The following HDAC10 variants were observed in gnomAD, a reference collection of about 807,000 sequenced individuals.
HDAC10 encodes polyamine deacetylase HDAC10.
Under a neutral mutation model 82.3 loss-of-function variants are expected in HDAC10, and 90 were observed. The observed-to-expected ratio is 1.09, with a 90% CI of 0.92 to 1.30. HDAC10 has a LOEUF of 1.30. HDAC10 is among the 50% of genes most tolerant of loss of function. HDAC10 has a pLI of 0.00. For synonymous variants in HDAC10, 456 were observed against 391.7 expected, an observed-to-expected ratio of 1.16 and a Z score of -1.94; for missense variants, 934 against 876.3, an observed-to-expected ratio of 1.07 and a Z score of -0.83.
chr22:50,246,897 C>T lies in HDAC10; in HGVS notation c.1492G>A (p.Gly498Ser). 1 of 1,612,368 alleles carries T rather than the reference C, an allele frequency of 6.2e-7. No individual in the cohort carries two copies. The highest frequency in any genetic ancestry group is 1.1e-5 in the South Asian group (1 of 90,990). ...TACCTCTGGGCTCCGTGGGACAGGC[C>T]TCTCCGAACAGCCACATCCAGGGTG... ...AATLDVAVRR[G>S]LSHGAQRLLC... The change falls in exon 15 of 20, where the codon GGC becomes AGC. Residue 498 changes from glycine to serine, a missense_variant. Transcript: ENST00000216271.
intron 15 of HDAC10, 49 bp from the exon 16 acceptor site, chr22:50,246,784 C>T: frequency 1.2e-6 from 2 of 1,607,960 alleles, no homozygotes; most frequent in Non-Finnish European, 1.7e-6. Flanking sequence ...GTCCAGAGTC[C>T]ATTCCCAGAA....
chr22:50,249,435 G>A lies in HDAC10; in HGVS notation c.583C>T (p.His195Tyr), dbSNP rs2065033194. Reference protein sequence around the residue: ...DDPSVLYFSWHRYEHGRFWPF... With the variant: ...DDPSVLYFSWYRYEHGRFWPF... ...CAGAAGCGCCCATGCTCATAGCGGT[G>A]CCAGGAGAAGTAAAGGACGCTGCCA... The change falls in exon 7 of 20, where the codon CAC becomes TAC. Residue 195 changes from histidine (H) to tyrosine (Y), a missense_variant. His to Tyr is a moderately conservative substitution (Grantham distance 83, BLOSUM62 2). Coordinates refer to ENST00000216271, the MANE Select transcript of HDAC10 (RefSeq NM_032019.6). This position sits in a 1 kb window ranked among gnomAD's most constrained non-coding sequence, Gnocchi z 4.4. 1 of 1,612,558 alleles carries A rather than the reference G, an allele frequency of 6.2e-7. No individual in the cohort carries two copies. Among genetic ancestry groups the A allele is most frequent in the African/African-American group, 1.3e-5 (1 of 74,904 alleles).
rs1363695146 is a variant in HDAC10 at position 50,251,077 on chromosome 22, G to A, written c.-45C>T. On this transcript the variant is annotated 5_prime_UTR_variant, in exon 1 of 20. Transcript: ENST00000216271. ...TGGGTTCCCAAACGCCCTCGCTAGT[G>A]GTGCCTGCCACTGCCTGTCCCCACC... 5 of 1,570,760 alleles carry A rather than the reference G, an allele frequency of 3.2e-6. No homozygotes were observed. Among genetic ancestry groups the A allele is most frequent in the Non-Finnish European group, 4.3e-6 (5 of 1,152,338 alleles).
chr22:50,246,193 C>A, intron 17 of HDAC10, 101 bp from the exon 18 acceptor site: 1 of 1,522,152 alleles, frequency 6.6e-7, no homozygotes, highest in Non-Finnish European at 9.0e-7. Flanking sequence ...AGCAGGGAGA[C>A]AGGAAGGACC....
At position 50,249,331 on chromosome 22, in the gene HDAC10, G is replaced by C. The variant is rs766692615; in HGVS notation, c.687C>G (p.Asn229Lys). 23 of 1,607,560 alleles carry C rather than the reference G, an allele frequency of 1.4e-5. No individual in the cohort carries two copies. The highest frequency in any genetic ancestry group is 2.2e-5 in the East Asian group (1 of 44,708). ...CCTGGGGCTTGAGGGTGGGCACCTG[G>C]TTCCAGGGCAGGTTGACAGTGAAGC... ...GLGFTVNLPW[N>K]QVGMGNADYV... Residue 229 changes from asparagine to lysine, a missense_variant, in exon 7 of 20, where the codon AAC becomes AAG. By Grantham distance (94) the Asn-to-Lys change is moderately conservative. Coordinates refer to ENST00000216271, the MANE Select transcript of HDAC10 (RefSeq NM_032019.6). The surrounding 1 kb of genome is among the most constrained non-coding windows in gnomAD (Gnocchi z 4.4).
In HDAC10 at chr22:50,249,361, GCCCTGT is replaced by G; in HGVS notation, c.651_656del (p.Gln218_Gly219del). 1 of 1,612,326 alleles carries G rather than the reference GCCCTGT, an allele frequency of 6.2e-7. No homozygotes were observed. The highest frequency in any genetic ancestry group is 8.5e-7 in the Non-Finnish European group (1 of 1,179,818). ...AGGGCAGGTTGACAGTGAAGCCGAG[GCCCTGT>G]CCCCGCCCCACTGCGTCTGCATCTG... On this transcript the variant is annotated inframe_deletion, in exon 7 of 20. Coordinates refer to ENST00000216271, the MANE Select transcript of HDAC10 (RefSeq NM_032019.6). The surrounding 1 kb of genome is among the most constrained non-coding windows in gnomAD (Gnocchi z 4.4).
intron 14 of HDAC10, chr22:50,247,445 T>A (rs1169134546): frequency 2.2e-6 from 1 of 446,232 alleles, no homozygotes; most frequent in African/African-American, 2.0e-5. Context: ...AATGTATACT[T>A]TAAATCACCC....
chr22:50,251,165 G>T lies in HDAC10; in HGVS notation c.-133C>A. On this transcript the variant is annotated 5_prime_UTR_variant, in exon 1 of 20. Coordinates refer to ENST00000216271, the MANE Select transcript of HDAC10 (RefSeq NM_032019.6). Reference sequence around the variant, plus strand: ...GGGCGCAGGCGGGCGGCGGGCACCGGCCTGGGCGGGAGCGCACAGAACCTA... The same window carrying T: ...GGGCGCAGGCGGGCGGCGGGCACCGTCCTGGGCGGGAGCGCACAGAACCTA... The T allele has an allele frequency of 3.3e-6, 3 of 906,260 alleles. No individual in the cohort carries two copies. Among genetic ancestry groups the T allele is most frequent in the South Asian group, 1.6e-5 (1 of 61,562 alleles). 56.1% of individuals were successfully genotyped at this position (906,260 alleles called of 1,614,324 possible). A position where few individuals can be genotyped will look rare whatever the true frequency, so the allele number is the denominator to read the frequency against.
At chr22:50,246,233 A>C in intron 17 of HDAC10, 65 bp downstream of exon 17, 1 of 1,530,920 alleles carries the variant, frequency 6.5e-7, no homozygotes, top group Non-Finnish European at 9.0e-7. Context: ...AATGCCAGCA[A>C]ACAGCAGCTG....
At chr22:50,246,569 T>C in intron 16 of HDAC10, 110 bp downstream of exon 16, 1 of 1,203,256 alleles carries the variant, frequency 8.3e-7, no homozygotes. Context: ...AAGGCTCCAT[T>C]CAGTACCACA....
rs1307663215 is a variant in HDAC10, at chr22:50,249,163, C to A, written c.696G>T (p.Gly232=). ...CAGCCACGTAGTCAGCGTTTCCCATCCCAACCTGGCAGGACATCCCAGGCT... is the reference window on the plus strand; with the variant it reads ...CAGCCACGTAGTCAGCGTTTCCCATACCAACCTGGCAGGACATCCCAGGCT... ...FTVNLPWNQV[G]MGNADYVAAF... is the part of the protein sequence containing the mutation. Residue 232 remains glycine (G), a synonymous_variant, in exon 8 of 20, where the codon GGG becomes GGT. Coordinates refer to ENST00000216271, the MANE Select transcript of HDAC10 (RefSeq NM_032019.6). This position sits in a 1 kb window ranked among gnomAD's most constrained non-coding sequence, Gnocchi z 4.4. 5.6e-6 allele frequency: 9 copies of A among 1,602,674 alleles called. No individual in the cohort carries two copies. Among genetic ancestry groups the A allele is most frequent in the Non-Finnish European group, 7.7e-6 (9 of 1,175,258 alleles).
Position 50,250,770 on chromosome 22 carries a change from C to T in HDAC10, c.194+1G>A, listed in dbSNP as rs1295459010. ...ATCGTGGGGCCTGCCCCCGTCCTGA[C>T]CTGTGCACCAGGCCCAGCTCCTCTT... On this transcript the variant is annotated splice_donor_variant, in intron 2 of 19. Transcript: ENST00000216271. LOFTEE classifies it high-confidence loss of function. 1.9e-6 allele frequency: 3 copies of T among 1,594,468 alleles called. No individual in the cohort carries two copies. Among genetic ancestry groups the T allele is most frequent in the South Asian group, 2.3e-5 (2 of 88,242 alleles).
At chr22:50,246,208 G>A (rs566465202) in intron 17 of HDAC10, 90 bp downstream of exon 17, 34 of 1,519,970 alleles carry the variant, frequency 2.2e-5, no homozygotes, top group Non-Finnish European at 9.9e-6. Flanking sequence ...AGGACCAGAG[G>A]CCTGCTATCA....
rs544435715 is a variant in HDAC10, at chr22:50,250,797, C to T, written c.168G>A (p.Ser56=). 19 of 1,602,672 alleles carry T rather than the reference C, an allele frequency of 1.2e-5. No individual in the cohort carries two copies. The highest frequency in any genetic ancestry group is 2.2e-4 in the Middle Eastern group (1 of 4,458). The change falls in exon 2 of 20, where the codon TCG becomes TCA. Residue 56 remains serine (S), a synonymous_variant. Coordinates refer to ENST00000216271, the MANE Select transcript of HDAC10 (RefSeq NM_032019.6). The stretch of plus-strand genomic sequence containing the variant: ...TGTGCACCAGGCCCAGCTCCTCTTC[C>T]GAGGCCTCGCGGGCTGACAACCGCA... ...RCLRLSAREA[S]EEELGLVHSP...
chr22:50,250,498 C>G lies in HDAC10; in HGVS notation c.220G>C (p.Glu74Gln), dbSNP rs376758414. Reference sequence around the variant, plus strand: ...TCCTCCTTGCCTAGGACCTGGGTCTCCCTGACCAGGGATACATACTCTGGG... The same window carrying G: ...TCCTCCTTGCCTAGGACCTGGGTCTGCCTGACCAGGGATACATACTCTGGG... ...HSPEYVSLVR[E>Q]TQVLGKEELQ... The change falls in exon 3 of 20, where the codon GAG (glutamate) becomes CAG (glutamine). Residue 74 changes from glutamate (E) to glutamine (Q), a missense_variant. Transcript: ENST00000216271. 5.0e-6 allele frequency: 8 copies of G among 1,612,766 alleles called. No individual in the cohort carries two copies. The African/African-American group carries it at 9.3e-5, about 19-fold the overall frequency.
chr22:50,248,447 G>A lies in HDAC10; in HGVS notation c.932C>T (p.Ala311Val), dbSNP rs373225487. The A allele has an allele frequency of 3.0e-5, 49 of 1,607,664 alleles. No individual in the cohort carries two copies. Among genetic ancestry groups the A allele is most frequent in the South Asian group, 5.5e-5 (5 of 91,050 alleles). Residue 311 changes from alanine to valine, a missense_variant, in exon 11 of 20, where the codon GCG becomes GTG. Physicochemically the swap from Ala to Val is moderately conservative, Grantham distance 64. Transcript: ENST00000216271. This position sits in a 1 kb window ranked among gnomAD's most constrained non-coding sequence, Gnocchi z 5.4. ...LEGGYHLESLAESVCMTVQTL... is the reference protein window; with the variant it reads ...LEGGYHLESLVESVCMTVQTL... Reference sequence around the variant, plus strand: ...CTGTACTGTCATGCACACTGACTCCGCCAGTGACTCCAGGTGGTAGCCGCC... The same window carrying A: ...CTGTACTGTCATGCACACTGACTCCACCAGTGACTCCAGGTGGTAGCCGCC...
In HDAC10 at chr22:50,248,493, T is replaced by C. The variant is rs1256273555; in HGVS notation, c.907-21A>G. ...CCGCCCTGGGAGGAGGGTGGAGACATGATTGGGGCAGAGATATCACTGGGA... is the reference window on the plus strand; with the variant it reads ...CCGCCCTGGGAGGAGGGTGGAGACACGATTGGGGCAGAGATATCACTGGGA... On this transcript the variant is annotated intron_variant, in intron 10 of 19. Coordinates refer to ENST00000216271, the MANE Select transcript of HDAC10 (RefSeq NM_032019.6). The surrounding 1 kb of genome is among the most constrained non-coding windows in gnomAD (Gnocchi z 5.4). The C allele has an allele frequency of 1.3e-6, 2 of 1,595,388 alleles. No homozygotes were observed. Among genetic ancestry groups the C allele is most frequent in the South Asian group, 2.2e-5 (2 of 89,904 alleles).
At position 50,245,479 on chromosome 22, in the gene HDAC10, G is replaced by A. The variant is rs1172034886; in HGVS notation, c.*28C>T. 1 of 789,594 alleles carries A rather than the reference G, an allele frequency of 1.3e-6. No homozygotes were observed. Among genetic ancestry groups the A allele is most frequent in the South Asian group, 1.4e-5 (1 of 72,892 alleles). 48.9% of individuals were successfully genotyped at this position (789,594 alleles called of 1,614,324 possible). On this transcript the variant is annotated 3_prime_UTR_variant, in exon 20 of 20. Transcript: ENST00000216271. ...CGCTGGCGTGCGGTGTCATTTCTGC[G>A]GTGTAAATGCTCCCACCTTGGCCGA...
chr22:50,246,768 C>G (rs1231647858), intron 15 of HDAC10, 33 bp from the exon 16 acceptor site: 1 of 1,611,848 alleles, frequency 6.2e-7, no homozygotes, highest in East Asian at 2.2e-5. Flanking sequence ...GACAGGTGTT[C>G]ATGTTGTCCA....
Sources: allele counts gnomAD v4.1 joint callset, GRCh38; gene constraint gnomAD v4.1.1; non-coding constraint Gnocchi (gnomAD v3.1); transcripts MANE v1.5; gene names NCBI Gene and HGNC (gene_info 2026-07-23, HGNC 2026-07-21).